The following H2BC18 variants were observed in gnomAD, a reference collection of about 807,000 sequenced individuals.
H2BC18 encodes the protein histone H2B type 2-F.
In H2BC18, 8 loss-of-function variants were observed where a neutral mutation model predicts 6.3. The ratio of observed to expected loss-of-function variants is 1.28; its 90% CI spans 0.75 to 2.31. H2BC18 has a LOEUF of 2.31. Ranked by LOEUF, H2BC18 falls within the 30% of genes most tolerant of loss-of-function variation. The pLI, the probability that H2BC18 is intolerant of heterozygous loss-of-function variation, is 0.00. For synonymous variants in H2BC18, 104 were observed against 78.1 expected (o/e 1.33, Z -1.75); for missense variants, 106 against 174.5 (o/e 0.61, Z 2.21).
chr1:149,811,790 G>T (rs1443636904), downstream of H2BC18: 7 of 687,080 alleles, frequency 1.0e-5, no homozygotes, highest in Admixed American at 1.7e-4. Flanking sequence ...TCCTAAACCC[G>T]AATGCATCCG....
At chr1:149,800,243 G>A (rs1166998996) in intron 1 of H2BC18, among the ~76,000 whole-genome samples, 9 of 152,218 alleles carry the variant, frequency 5.9e-5, no homozygotes, top group South Asian at 2.1e-4. Context: ...CACTGGGTGC[G>A]CCGCCCTTCA....
rs1165412827 is a variant in H2BC18, at chr1:149,792,708, G to C, written c.378-9448C>G. 7.0e-6 allele frequency: 9 copies of C among 1,283,238 alleles called. No homozygotes were observed. The East Asian group carries it at 3.4e-4, about 48-fold the overall frequency. The allele number at this position is 1,283,238 out of a possible 1,614,324, so 79.5% of individuals were successfully genotyped here. ...GACCCAGCTGCGGCGAAAGCTGTTG[G>C]GCGCGCGCTTCTCCGCAGCTCCGCG... On this transcript the variant is annotated intron_variant, in intron 1 of 1. Coordinates refer to the H2BC18 transcript ENST00000545683.
chr1:149,806,812 T>C (rs2091921688), intron 1 of H2BC18, among the ~76,000 whole-genome samples: 1 of 152,124 alleles, frequency 6.6e-6, no homozygotes, highest in South Asian at 2.1e-4. Flanking sequence ...CATCCTGAGA[T>C]AGAAGGGCCT....
intron 1 of H2BC18, chr1:149,793,260 C>G: frequency 8.0e-7 from 1 of 1,245,036 alleles, no homozygotes; most frequent in Non-Finnish European, 1.0e-6. Flanking sequence ...AGGGAGGGAG[C>G]GGGTGGGGAG....
downstream of H2BC18, among the ~76,000 whole-genome samples, chr1:149,807,718 C>T (rs1264220047): frequency 3.3e-5 from 5 of 151,864 alleles, no homozygotes; most frequent in African/African-American, 4.8e-5. Flanking sequence ...GCAGGAGAAT[C>T]GCTTGAACCC....
At chr1:149,796,642 C>T (rs1381775107) in intron 1 of H2BC18, among the ~76,000 whole-genome samples, 5 of 152,124 alleles carry the variant, frequency 3.3e-5, no homozygotes, top group Non-Finnish European at 5.9e-5. Context: ...AAATCTTGGT[C>T]CTGCACTTAA....
chr1:149,791,237 G>A, intron 1 of H2BC18: 3 of 1,605,194 alleles, frequency 1.9e-6, no homozygotes, highest in African/African-American at 1.3e-5. Context: ...TCTGTTTCAG[G>A]CCTCCAGTTA....
At chr1:149,797,569 A>G (rs1269826411) in intron 1 of H2BC18, among the ~76,000 whole-genome samples, 1 of 152,140 alleles carries the variant, frequency 6.6e-6, no homozygotes. Context: ...TATGCCTTCT[A>G]CTTTCCACAG....
chr1:149,795,251 AAAATAAAT>A (rs59487657), intron 1 of H2BC18, among the ~76,000 whole-genome samples: 2,082 of 106,830 alleles, frequency 0.019, 6 homozygotes, highest in African/African-American at 0.04. Context: ...CCCTGTCTCA[AAAATAAAT>A]AAATAAATAA....
intron 1 of H2BC18, among the ~76,000 whole-genome samples, chr1:149,801,462 G>T (rs2091868873): frequency 7.0e-6 from 1 of 142,440 alleles, no homozygotes; most frequent in Admixed American, 7.1e-5. Flanking sequence ...AGTATTTATT[G>T]AATTGTTTAT....
chr1:149,806,574 C>T (rs1231163557), intron 1 of H2BC18, among the ~76,000 whole-genome samples: 2 of 150,248 alleles, frequency 1.3e-5, no homozygotes, highest in Admixed American at 6.6e-5. Flanking sequence ...GACAACAGAG[C>T]GAGACGCGAG....
At chr1:149,793,376 CGGGCAAGAAGGCTCCAGGCTCCGCA>C (rs2091761488) in intron 1 of H2BC18, among the ~76,000 whole-genome samples, 1 of 151,922 alleles carries the variant, frequency 6.6e-6, no homozygotes, top group African/African-American at 2.4e-5. Context: ...AGCAAGCCAG[CGGGCAAGAAGGCTCCAGGCTCCGCA>C]GGGGCCACCC....
chr1:149,807,100 C>G (rs1477786237), downstream of H2BC18, among the ~76,000 whole-genome samples: 1 of 152,108 alleles, frequency 6.6e-6, no homozygotes, highest in Non-Finnish European at 1.5e-5. Flanking sequence ...AGCAGGGAAA[C>G]AGTGGTGGAG....
intron 1 of H2BC18, among the ~76,000 whole-genome samples, chr1:149,800,769 C>T (rs1489658511): frequency 8.0e-5 from 12 of 149,686 alleles, no homozygotes; most frequent in African/African-American, 2.2e-4. Context: ...ACCAAATGAC[C>T]GCACTCACTG....
At chr1:149,784,934 G>A (rs1424773756) in intron 1 of H2BC18, among the ~76,000 whole-genome samples, 28 of 151,914 alleles carry the variant, frequency 1.8e-4, no homozygotes, top group African/African-American at 6.5e-4. Context: ...GATTTTACAA[G>A]CATTGCTGCA....
At chr1:149,786,246 C>T (rs1389437871) in intron 1 of H2BC18, 2 of 152,000 alleles carry the variant, frequency 1.3e-5, no homozygotes, top group Admixed American at 6.5e-5. Context: ...TTTGGGTATC[C>T]TTTTTTGTAA....
intron 1 of H2BC18, among the ~76,000 whole-genome samples, chr1:149,802,953 T>G (rs1419637797): frequency 6.6e-6 from 1 of 152,236 alleles, no homozygotes; most frequent in African/African-American, 2.4e-5. Context: ...CAACCCACAT[T>G]GAGGGTGAGT....
At chr1:149,785,353 C>T (rs2091512873) in intron 1 of H2BC18, among the ~76,000 whole-genome samples, 1 of 144,134 alleles carries the variant, frequency 6.9e-6, no homozygotes, top group South Asian at 2.2e-4. Flanking sequence ...TCCCTTAGGT[C>T]TCTGTAAATA....
downstream of H2BC18, among the ~76,000 whole-genome samples, chr1:149,807,671 G>A (rs1317252820): frequency 1.3e-5 from 2 of 151,924 alleles, no homozygotes; most frequent in African/African-American, 4.8e-5. Context: ...GGGCATGATG[G>A]CTGGCATCTG....
Sources: gnomAD v4.1 joint callset for allele counts (sites outside exome capture counted in the v4.1 genomes callset) on GRCh38, gnomAD v4.1.1 for gene constraint, MANE v1.5 for transcripts, NCBI Gene and HGNC (gene_info 2026-07-23, HGNC 2026-07-21) for gene names.